The following COQ8A variants were observed in gnomAD, a reference collection of about 807,000 sequenced individuals.
COQ8A encodes the protein coenzyme Q8A, also known as atypical kinase COQ8A, mitochondrial.
Under a neutral mutation model 65.0 loss-of-function variants are expected in COQ8A, and 51 were observed. The observed-to-expected ratio is 0.78, with a 90% CI of 0.63 to 0.99. The LOEUF (loss-of-function observed/expected upper bound fraction) is 0.99. Ranked by LOEUF, COQ8A falls within the 50% of genes least tolerant of loss-of-function variation. The pLI is 0.00. For synonymous variants in COQ8A, 371 were observed against 353.2 expected (o/e 1.05, Z -0.57); for missense variants, 940 against 875.0 (o/e 1.07, Z -0.94).
chr1:226,965,221 G>A lies in COQ8A; in HGVS notation c.399G>A (p.Gln133=). Residue 133 remains glutamine, a synonymous_variant, in exon 3 of 15, where the codon CAG becomes CAA. Coordinates refer to ENST00000366777, the MANE Select transcript of COQ8A (RefSeq NM_020247.5). ...TTAGAGAAGCCGGGTTCCCCGGCCA[G>A]GCCTCCTCCCCTCTGGGCAGGGCCA... ...GPFREAGFPG[Q]ASSPLGRANG... 1 of 1,613,878 alleles carries A rather than the reference G, an allele frequency of 6.2e-7. No individual in the cohort carries two copies. Among genetic ancestry groups the A allele is most frequent in the Non-Finnish European group, 8.5e-7 (1 of 1,180,022 alleles).
chr1:226,975,378 C>CA (rs1356815891), intron 4 of COQ8A, among the ~76,000 whole-genome samples: 1 of 152,110 alleles, frequency 6.6e-6, no homozygotes, highest in East Asian at 1.9e-4. Flanking sequence ...CCGCCAGCCG[C>CA]ACGGGGCCTT....
chr1:226,984,363 G>C, intron 11 of COQ8A, 128 bp downstream of exon 11: 1 of 1,434,668 alleles, frequency 7.0e-7, no homozygotes, highest in South Asian at 1.2e-5. Flanking sequence ...CAGTGAAGTA[G>C]CACCAGTGGG....
At chr1:226,982,431 A>C in intron 6 of COQ8A, 1 of 643,874 alleles carries the variant, frequency 1.6e-6, no homozygotes, top group Non-Finnish European at 2.7e-6. Flanking sequence ...TTTCTTTTGT[A>C]ATTATGAAAA....
Position 226,961,411 on chromosome 1 carries a change from T to C in COQ8A, c.26T>C (p.Ile9Thr). The C allele has an allele frequency of 6.2e-7, 1 of 1,613,802 alleles. No homozygotes were observed. Residue 9 changes from isoleucine to threonine, a missense_variant, in exon 2 of 15, where the codon ATC becomes ACC. Physicochemically the swap from Ile to Thr is moderately conservative, Grantham distance 89 (BLOSUM62 -1). Coordinates refer to ENST00000366777, the MANE Select transcript of COQ8A (RefSeq NM_020247.5). ...ATGGCTGCCATATTGGGAGACACCATCATGGTGGCTAAAGGCCTTGTCAAG... is the reference window on the plus strand; with the variant it reads ...ATGGCTGCCATATTGGGAGACACCACCATGGTGGCTAAAGGCCTTGTCAAG... The part of the protein sequence containing the change: MAAILGDT[I>T]MVAKGLVKLT...
intron 4 of COQ8A, among the ~76,000 whole-genome samples, chr1:226,976,736 G>A (rs1250413900): frequency 6.6e-6 from 1 of 152,160 alleles, no homozygotes; most frequent in Non-Finnish European, 1.5e-5. Context: ...TTGGATAAAT[G>A]AGGTGTTAGT....
At chr1:226,944,547 G>C (rs766216181) in intron 1 of COQ8A, among the ~76,000 whole-genome samples, 6 of 151,960 alleles carry the variant, frequency 3.9e-5, no homozygotes, top group African/African-American at 1.2e-4. Context: ...AAGAATGTGC[G>C]GGCCCTCCTA....
At chr1:226,958,425 A>G (rs542904493) in intron 1 of COQ8A, among the ~76,000 whole-genome samples, 1 of 152,266 alleles carries the variant, frequency 6.6e-6, no homozygotes, top group Admixed American at 6.5e-5. Flanking sequence ...TCCCGGCTCC[A>G]GGTCGTCGCT....
intron 5 of COQ8A, among the ~76,000 whole-genome samples, chr1:226,978,813 ACCCT>A (rs1314815273): frequency 3.4e-5 from 3 of 87,588 alleles, no homozygotes; most frequent in African/African-American, 1.1e-4. Context: ...CTCCTTACAC[ACCCT>A]CCATGCACAC....
rs1660163298 is a variant in COQ8A at position 226,987,080 on chromosome 1, T to C, written c.*343T>C. 2 of 374,850 alleles carry C rather than the reference T, an allele frequency of 5.3e-6. No individual in the cohort carries two copies. The highest frequency in any genetic ancestry group is 4.1e-5 in the African/African-American group (2 of 48,256). The allele number at this position is 374,850 out of a possible 1,614,324, so 23.2% of individuals were successfully genotyped here. On this transcript the variant is annotated 3_prime_UTR_variant, in exon 15 of 15. Coordinates refer to ENST00000366777, the MANE Select transcript of COQ8A (RefSeq NM_020247.5). ...AGTCCTTACTCCCTTCCAATCTCTG[T>C]TCAGTGCAAAACCCAGAAACATGAA... is the stretch of plus-strand genomic sequence containing the variant.
rs373570816 is a variant in COQ8A at position 226,965,313 on chromosome 1, A to G, written c.491A>G (p.His164Arg). The change falls in exon 3 of 15, where the codon CAC (histidine) becomes CGC (arginine). Residue 164 changes from histidine (H) to arginine (R), a missense_variant. Physicochemically the swap from His to Arg is conservative, Grantham distance 29. Coordinates refer to ENST00000366777, the MANE Select transcript of COQ8A (RefSeq NM_020247.5). ...SAMGFQRRFF[H>R]QDQSPVGGLT... ...ATGGGCTTTCAGCGAAGGTTCTTCCACCAGGACCAATCCCCTGTTGGGGGC... is the reference window on the plus strand; with the variant it reads ...ATGGGCTTTCAGCGAAGGTTCTTCCGCCAGGACCAATCCCCTGTTGGGGGC... 3.1e-6 allele frequency: 5 copies of G among 1,613,784 alleles called. No homozygotes were observed. The South Asian group carries it at 5.5e-5, about 18-fold the overall frequency.
intron 1 of COQ8A, among the ~76,000 whole-genome samples, chr1:226,951,177 CCCCACA>C (rs1198602484): frequency 6.6e-6 from 1 of 152,188 alleles, no homozygotes; most frequent in Non-Finnish European, 1.5e-5. Flanking sequence ...CACCCCCTGA[CCCCACA>C]CCCACGTCAG....
intron 6 of COQ8A, 124 bp downstream of exon 6, chr1:226,982,273 A>G: frequency 7.2e-7 from 1 of 1,387,902 alleles, no homozygotes; most frequent in Non-Finnish European, 9.7e-7. Flanking sequence ...CTGGGGAGAG[A>G]TCTTAGAAGA....
chr1:226,968,631 CG>C (rs1658699578), intron 4 of COQ8A, among the ~76,000 whole-genome samples: 1 of 152,004 alleles, frequency 6.6e-6, no homozygotes, highest in Non-Finnish European at 1.5e-5. Flanking sequence ...AGTTTTTACA[CG>C]GGGTTATGAA....
In COQ8A at chr1:226,983,593, C is replaced by T. The variant is rs755397509; in HGVS notation, c.1122C>T (p.Asn374=). Residue 374 remains asparagine (N), a synonymous_variant, in exon 9 of 15, where the codon AAC becomes AAT. Coordinates refer to ENST00000366777, the MANE Select transcript of COQ8A (RefSeq NM_020247.5). The part of the protein sequence containing the change: ...VAQSINSDVN[N]LMAVLNMSNM... ...AGAGCATCAACAGTGATGTCAACAA[C>T]CTCATGGCCGTGTTGAACATGAGCA... 3.7e-6 allele frequency: 6 copies of T among 1,613,906 alleles called. No homozygotes were observed. In the Admixed American group the frequency reaches 5.0e-5, roughly 13 times the overall value.
chr1:226,979,200 C>T (rs1659543134), intron 5 of COQ8A, among the ~76,000 whole-genome samples: 2 of 152,254 alleles, frequency 1.3e-5, no homozygotes, highest in South Asian at 2.1e-4. Flanking sequence ...ACTCATCCCA[C>T]TGAGGTTGGT....
rs754586499 is a variant in COQ8A, at chr1:226,961,509, GC to G, written c.127del (p.Leu43CysfsTer166). Reference sequence around the variant, plus strand: ...AGGGGAGCTGATCATGGCGGCCAGGGCCCTGCAGTCCACGGCTGTGGAGCAG... The same window carrying G: ...AGGGGAGCTGATCATGGCGGCCAGGGCCTGCAGTCCACGGCTGTGGAGCAG... ...IGGELIMAAR[A>X]LQSTAVEQIG... On this transcript the variant is annotated frameshift_variant, in exon 2 of 15. Coordinates refer to ENST00000366777, the MANE Select transcript of COQ8A (RefSeq NM_020247.5). LOFTEE classifies it high-confidence loss of function. 25 of 1,613,770 alleles carry G rather than the reference GC, an allele frequency of 1.5e-5. No homozygotes were observed. Among genetic ancestry groups the G allele is most frequent in the Non-Finnish European group, 2.0e-5 (24 of 1,180,008 alleles).
intron 1 of COQ8A, among the ~76,000 whole-genome samples, chr1:226,947,669 TGTG>T (rs1657124345): frequency 1.3e-5 from 2 of 152,148 alleles, no homozygotes; most frequent in South Asian, 4.2e-4. Flanking sequence ...ATTAGCCAGG[TGTG>T]GTGGTACCCA....
chr1:226,986,410 C>T (rs772475818), intron 14 of COQ8A, 43 bp from the exon 15 acceptor site: 3 of 1,604,326 alleles, frequency 1.9e-6, no homozygotes, highest in South Asian at 2.2e-5. Flanking sequence ...TGGTGGAGGG[C>T]TCTGGTGTCT....
At chr1:226,978,130 CAA>C (rs1276174601) in intron 5 of COQ8A, among the ~76,000 whole-genome samples, 7 of 150,836 alleles carry the variant, frequency 4.6e-5, no homozygotes, top group Admixed American at 2.0e-4. Context: ...GCACACCCAC[CAA>C]ACACCCACAC....
Sources: gnomAD v4.1 joint callset for allele counts (sites outside exome capture counted in the v4.1 genomes callset) on GRCh38, gnomAD v4.1.1 for gene constraint, MANE v1.5 for transcripts, NCBI Gene and HGNC (gene_info 2026-07-23, HGNC 2026-07-21) for gene names.